SCTR: variants seen among roughly 807,000 people sequenced by gnomAD.
The protein encoded by SCTR is secretin receptor, also known as pancreatic secretin receptor.
Under a neutral mutation model 60.8 loss-of-function variants are expected in SCTR, and 56 were observed. The observed-to-expected ratio is 0.92, with a 90% CI of 0.74 to 1.15. SCTR has a LOEUF of 1.15. Ranked by LOEUF, SCTR falls within the 50% of genes most tolerant of loss-of-function variation. The pLI is 0.00. For missense variants in SCTR, 562 were observed against 550.4 expected (o/e 1.02, Z -0.21); for synonymous variants, 202 against 217.0 (o/e 0.93, Z 0.61).
At chr2:119,501,195 G>A (rs1678538120) in intron 1 of SCTR, among the ~76,000 whole-genome samples, 1 of 152,198 alleles carries the variant, frequency 6.6e-6, no homozygotes, top group Non-Finnish European at 1.5e-5. Flanking sequence ...TGGATCACGA[G>A]GTCAGGAGAT....
intron 2 of SCTR, among the ~76,000 whole-genome samples, chr2:119,485,058 A>G (rs1354274199): frequency 1.3e-5 from 2 of 152,226 alleles, no homozygotes; most frequent in Non-Finnish European, 2.9e-5. Flanking sequence ...GGCCCAGGAT[A>G]GACAGGGCTC....
chr2:119,496,276 G>C (rs1236617061), intron 1 of SCTR, among the ~76,000 whole-genome samples: 2 of 152,232 alleles, frequency 1.3e-5, no homozygotes, highest in Non-Finnish European at 2.9e-5. Context: ...AAGTGCTGGA[G>C]GTAGTGAGAC....
At chr2:119,501,074 A>G (rs1678530650) in intron 1 of SCTR, among the ~76,000 whole-genome samples, 1 of 152,240 alleles carries the variant, frequency 6.6e-6, no homozygotes, top group South Asian at 2.1e-4. Flanking sequence ...CCAGACACAA[A>G]AAGACAAATA....
intron 5 of SCTR, 25 bp from the exon 6 acceptor site, chr2:119,464,280 T>G (rs951039193): frequency 1.2e-6 from 2 of 1,613,834 alleles, no homozygotes; most frequent in Non-Finnish European, 1.7e-6. Context: ...TGTAGGGACA[T>G]AGAGGCCAGA....
At chr2:119,490,012 A>T (rs1016346173) in intron 2 of SCTR, among the ~76,000 whole-genome samples, 1 of 152,126 alleles carries the variant, frequency 6.6e-6, no homozygotes, top group Non-Finnish European at 1.5e-5. Flanking sequence ...GTCCTTGGGG[A>T]CAGGAGGTGG....
intron 1 of SCTR, among the ~76,000 whole-genome samples, chr2:119,511,125 C>T (rs1338196746): frequency 6.6e-6 from 1 of 151,932 alleles, no homozygotes; most frequent in Non-Finnish European, 1.5e-5. Context: ...ATGGTGTGAA[C>T]TTGGGAGGCA....
intron 2 of SCTR, among the ~76,000 whole-genome samples, chr2:119,482,185 G>C (rs1291065277): frequency 1.3e-5 from 2 of 152,222 alleles, no homozygotes; most frequent in Non-Finnish European, 1.5e-5. Flanking sequence ...CTGGGAACTG[G>C]AGAGGGACAG....
At chr2:119,478,673 T>C in intron 3 of SCTR, 138 bp downstream of exon 3, 2 of 737,596 alleles carry the variant, frequency 2.7e-6, no homozygotes, top group Admixed American at 5.6e-5. Flanking sequence ...CTTCTAATCC[T>C]TTGCAGTGAT....
chr2:119,465,070 C>T (rs574022456), intron 5 of SCTR, among the ~76,000 whole-genome samples: 23 of 152,174 alleles, frequency 1.5e-4, no homozygotes, highest in Non-Finnish European at 2.9e-4. Flanking sequence ...ATTGGGAGGG[C>T]TCCACCCTTC....
chr2:119,464,939 C>G (rs1160106692), intron 5 of SCTR, among the ~76,000 whole-genome samples: 1 of 152,180 alleles, frequency 6.6e-6, no homozygotes, highest in Admixed American at 6.5e-5. Context: ...TTGAGCAAGA[C>G]TTTTCACTTC....
intron 1 of SCTR, among the ~76,000 whole-genome samples, chr2:119,519,318 T>C (rs1327865730): frequency 3.3e-5 from 5 of 152,194 alleles, no homozygotes; most frequent in Non-Finnish European, 5.9e-5. Context: ...TATCTCCTCC[T>C]GTTGGATTTT....
In SCTR at chr2:119,448,687, A is replaced by G. The variant is rs769549386; in HGVS notation, c.1013+2T>C. On this transcript the variant is annotated splice_donor_variant, in intron 10 of 12. Transcript: ENST00000019103. LOFTEE classifies it high-confidence loss of function. ...ATGCCTCAGTCTTTGCCCTTCACTT[A>G]CTTATAATGGCTGACTTCATTTCCT... 2.6e-6 allele frequency: 4 copies of G among 1,541,472 alleles called. No homozygotes were observed. Among genetic ancestry groups the G allele is most frequent in the Non-Finnish European group, 3.6e-6 (4 of 1,113,856 alleles).
At chr2:119,510,092 G>C (rs965699863) in intron 1 of SCTR, among the ~76,000 whole-genome samples, 13 of 151,856 alleles carry the variant, frequency 8.6e-5, no homozygotes, top group African/African-American at 3.1e-4. Context: ...CCATCAACCT[G>C]TCATCTACAT....
intron 7 of SCTR, among the ~76,000 whole-genome samples, chr2:119,459,128 C>A (rs1683499121): frequency 6.6e-6 from 1 of 152,216 alleles, no homozygotes; most frequent in Non-Finnish European, 1.5e-5. Context: ...TAAAGGTATT[C>A]ATCACTGTGC....
chr2:119,496,747 G>A (rs1678363692), intron 1 of SCTR, among the ~76,000 whole-genome samples: 1 of 152,144 alleles, frequency 6.6e-6, no homozygotes, highest in Non-Finnish European at 1.5e-5. Context: ...ACCAGGAAAG[G>A]GGCATCTAGC....
At chr2:119,493,813 G>A (rs947317310) in intron 2 of SCTR, among the ~76,000 whole-genome samples, 1 of 151,776 alleles carries the variant, frequency 6.6e-6, no homozygotes, top group African/African-American at 2.4e-5. Flanking sequence ...GGCTAATTTT[G>A]CATTTTTAGT....
intron 4 of SCTR, among the ~76,000 whole-genome samples, chr2:119,467,224 C>T (rs368039032): frequency 1.5e-4 from 23 of 151,638 alleles, no homozygotes; most frequent in African/African-American, 5.6e-4. Context: ...ACCAAAAATA[C>T]AAAAATTAGC....
At chr2:119,464,878 G>T (rs1434255648) in intron 5 of SCTR, among the ~76,000 whole-genome samples, 1 of 152,192 alleles carries the variant, frequency 6.6e-6, no homozygotes, top group East Asian at 1.9e-4. Flanking sequence ...AGGAACACAG[G>T]CTGCGGGGAG....
In SCTR at chr2:119,520,273, G is replaced by T. The variant is rs1561452; in HGVS notation, c.72+3882C>A. Among the ~76,000 whole-genome samples, 761 of 152,296 alleles carry T rather than the reference G, an allele frequency of 5.0e-3. 4 individuals carry two copies. The highest frequency in any genetic ancestry group is 0.018 in the African/African-American group (728 of 41,566). On this transcript the variant is annotated intron_variant, in intron 1 of 12. Transcript: ENST00000019103. ...CCCAACACTTTGGGAGTCTAAGGCA[G>T]GAGGATCACTTGAGCCCAGGAGTTC...
Sources: gnomAD v4.1 joint callset for allele counts (sites outside exome capture counted in the v4.1 genomes callset) on GRCh38, gnomAD v4.1.1 for gene constraint, MANE v1.5 for transcripts, NCBI Gene and HGNC (gene_info 2026-07-23, HGNC 2026-07-21) for gene names.